Variants in VAMP4 observed in about 807,000 individuals in gnomAD.
VAMP4 encodes the protein vesicle associated membrane protein 4, also known as vesicle-associated membrane protein 4.
Under a neutral mutation model 23.5 loss-of-function variants are expected in VAMP4, and 19 were observed. The ratio of observed to expected loss-of-function variants is 0.81; its 90% CI spans 0.56 to 1.19. The LOEUF is 1.19. VAMP4 is among the 50% of genes most tolerant of loss of function. The pLI is 0.00. For synonymous variants in VAMP4, 31 were observed against 51.0 expected, an observed-to-expected ratio of 0.61 and a Z score of 1.67; for missense variants, 145 against 168.6, an observed-to-expected ratio of 0.86 and a Z score of 0.78.
intron 6 of VAMP4, among the ~76,000 whole-genome samples, chr1:171,708,312 C>A (rs1378312772): frequency 1.4e-5 from 2 of 139,628 alleles, no homozygotes; most frequent in African/African-American, 2.7e-5. Context: ...TGCACTCCAG[C>A]CTCAGAGACA....
chr1:171,732,197 C>T (rs912922940), intron 2 of VAMP4, among the ~76,000 whole-genome samples: 5 of 151,900 alleles, frequency 3.3e-5, no homozygotes, highest in Admixed American at 6.6e-5. Flanking sequence ...TATTCTCTGA[C>T]CATAATGCGA....
chr1:171,719,239 C>G lies in VAMP4; in HGVS notation c.114-18G>C, dbSNP rs761516757. 2 of 1,602,632 alleles carry G rather than the reference C, an allele frequency of 1.2e-6. No homozygotes were observed. The highest frequency in any genetic ancestry group is 4.5e-5 in the East Asian group (2 of 44,622). ...GTCCCCTTCTGAAAACAAGTACATACCAAGTACATATTAGTAGTGACAGGA... is the reference window on the plus strand; with the variant it reads ...GTCCCCTTCTGAAAACAAGTACATAGCAAGTACATATTAGTAGTGACAGGA... On this transcript the variant is annotated intron_variant, in intron 3 of 7. Coordinates refer to ENST00000236192, the MANE Select transcript of VAMP4 (RefSeq NM_003762.5).
intron 1 of VAMP4, 108 bp from the exon 2 acceptor site, chr1:171,738,571 TGAC>T (rs1655818470): frequency 1.5e-6 from 1 of 684,026 alleles, no homozygotes; most frequent in African/African-American, 1.8e-5. Context: ...CTCATTTTTC[TGAC>T]TTCAATTCCT....
chr1:171,707,777 A>G (rs1654704888), intron 6 of VAMP4, among the ~76,000 whole-genome samples: 1 of 152,122 alleles, frequency 6.6e-6, no homozygotes, highest in Admixed American at 6.6e-5. Context: ...ATATGACTCA[A>G]TGTTTTTCCT....
At chr1:171,716,554 C>T (rs12132221) in intron 4 of VAMP4, among the ~76,000 whole-genome samples, 26,106 of 151,956 alleles carry the variant, frequency 0.17, 2,297 homozygotes, top group Middle Eastern at 0.24. Context: ...AGAGTCTTTC[C>T]TAAGAAGTGA....
chr1:171,707,813 C>A (rs1311537667), intron 6 of VAMP4, among the ~76,000 whole-genome samples: 1 of 151,914 alleles, frequency 6.6e-6, no homozygotes, highest in East Asian at 1.9e-4. Context: ...ATTCCTCTGA[C>A]CCAAACCCCA....
intron 2 of VAMP4, among the ~76,000 whole-genome samples, chr1:171,733,830 A>G (rs1655641934): frequency 6.6e-6 from 1 of 152,214 alleles, no homozygotes; most frequent in Admixed American, 6.5e-5. Flanking sequence ...ACCTTTAGGT[A>G]TACACCAAAG....
rs1655809534 is a variant in VAMP4, at chr1:171,738,348, C to A, written c.66+1G>T. The A allele has an allele frequency of 5.6e-6, 9 of 1,613,692 alleles. No individual in the cohort carries two copies. The highest frequency in any genetic ancestry group is 7.6e-6 in the Non-Finnish European group (9 of 1,179,856). ...TTTAAAGCTTAAGATTCCGAACTTA[C>A]CCTTTCACTTTTCACAGAACCTGTG... On this transcript the variant is annotated splice_donor_variant, in intron 2 of 7. Transcript: ENST00000236192. LOFTEE classifies it high-confidence loss of function.
At chr1:171,706,310 A>G in intron 7 of VAMP4, 57 bp downstream of exon 7, 1 of 1,532,302 alleles carries the variant, frequency 6.5e-7, no homozygotes, top group African/African-American at 1.4e-5. Flanking sequence ...AAAGGGAATT[A>G]AAATGAACTC....
At chr1:171,730,624 T>G (rs1655530008) in intron 2 of VAMP4, among the ~76,000 whole-genome samples, 2 of 151,074 alleles carry the variant, frequency 1.3e-5, no homozygotes, top group Admixed American at 6.6e-5. Flanking sequence ...TTTTGGTATG[T>G]TGACAGAGAA....
intron 2 of VAMP4, among the ~76,000 whole-genome samples, chr1:171,734,872 T>C (rs747069040): frequency 1.4e-4 from 22 of 152,318 alleles, no homozygotes; most frequent in Non-Finnish European, 2.4e-4. Flanking sequence ...CAATACATTT[T>C]AAATTTAAAA....
intron 1 of VAMP4, among the ~76,000 whole-genome samples, chr1:171,741,147 T>C (rs766936686): frequency 5.9e-5 from 9 of 152,188 alleles, no homozygotes; most frequent in Non-Finnish European, 1.0e-4. Flanking sequence ...TACAATTCAC[T>C]CAAATGAGTC....
At chr1:171,719,318 C>G in intron 3 of VAMP4, 97 bp from the exon 4 acceptor site, 1 of 1,028,806 alleles carries the variant, frequency 9.7e-7, no homozygotes, top group Non-Finnish European at 1.4e-6. Context: ...AACAATCAAG[C>G]TGAACTCTAA....
At chr1:171,734,209 A>G (rs1655657765) in intron 2 of VAMP4, among the ~76,000 whole-genome samples, 1 of 146,154 alleles carries the variant, frequency 6.8e-6, no homozygotes, top group Admixed American at 7.1e-5. Flanking sequence ...TGGAGGTTGC[A>G]GTGAGCCGAG....
intron 4 of VAMP4, among the ~76,000 whole-genome samples, chr1:171,712,409 T>C (rs935981319): frequency 6.6e-6 from 1 of 152,088 alleles, no homozygotes; most frequent in African/African-American, 2.4e-5. Flanking sequence ...AAAAACAAAA[T>C]GAAGGCCCAC....
At chr1:171,737,105 T>C (rs552585215) in intron 2 of VAMP4, among the ~76,000 whole-genome samples, 1 of 152,324 alleles carries the variant, frequency 6.6e-6, no homozygotes, top group East Asian at 1.9e-4. Flanking sequence ...CATAAGATGG[T>C]GGACAGAGTG....
rs918430145 is a variant in VAMP4 at position 171,701,119 on chromosome 1, CAAGTT to C, written c.*3382_*3386del. ...TCATTTGTCTACAACATGGAAAAAA[CAAGTT>C]AAGAAGTAGAGCACCTTTCAGCCCT... On this transcript the variant is annotated 3_prime_UTR_variant, in exon 8 of 8. Transcript: ENST00000236192. 5.9e-5 allele frequency: 9 copies of C among 152,028 alleles called. No individual in the cohort carries two copies. The highest frequency in any genetic ancestry group is 2.0e-4 in the Admixed American group (3 of 15,248). 9.4% of individuals were successfully genotyped at this position (152,028 alleles called of 1,614,324 possible).
rs565074699 is a variant in VAMP4 at position 171,705,072 on chromosome 1, A to C, written c.398-538T>G. Among the ~76,000 whole-genome samples, 63 of 152,232 alleles carry C rather than the reference A, an allele frequency of 4.1e-4. 1 individual carries two copies. The highest frequency in any genetic ancestry group is 1.4e-3 in the African/African-American group (58 of 41,556). On this transcript the variant is annotated intron_variant, in intron 7 of 7. Coordinates refer to ENST00000236192, the MANE Select transcript of VAMP4 (RefSeq NM_003762.5). Reference sequence around the variant, plus strand: ...TTCTATAAGGTCACTACAAACACTAAATTAGTGAATATGGAACCACTGCTT... The same window carrying C: ...TTCTATAAGGTCACTACAAACACTACATTAGTGAATATGGAACCACTGCTT...
intron 2 of VAMP4, among the ~76,000 whole-genome samples, chr1:171,734,026 G>T (rs960437891): frequency 6.6e-6 from 1 of 152,176 alleles, no homozygotes; most frequent in African/African-American, 2.4e-5. Context: ...CCAGCACTTT[G>T]GGAGGCCGAG....
Sources: allele counts gnomAD v4.1 joint callset (sites outside exome capture counted in the v4.1 genomes callset), GRCh38; gene constraint gnomAD v4.1.1; transcripts MANE v1.5; gene names NCBI Gene and HGNC (gene_info 2026-07-23, HGNC 2026-07-21).